The following TULP4 variants were observed in gnomAD, a reference collection of about 807,000 sequenced individuals.
The protein encoded by TULP4 is tubby-related protein 4.
A neutral mutation model predicts 129.0 loss-of-function variants in TULP4; 16 were observed. That is an observed-to-expected ratio of 0.12 (90% confidence interval 0.08 to 0.19). TULP4 has a LOEUF of 0.19. TULP4 is among the 10% of genes least tolerant of loss of function. TULP4 has a pLI of 1.00. For synonymous variants in TULP4, 998 were observed against 854.0 expected (o/e 1.17, Z -2.94); for missense variants, 1,842 against 2,059.1 (o/e 0.89, Z 2.04).
intron 1 of TULP4, among the ~76,000 whole-genome samples, chr6:158,348,220 G>A (rs971212827): frequency 6.2e-4 from 67 of 107,616 alleles, no homozygotes; most frequent in African/African-American, 2.2e-3. Flanking sequence ...GGTGTTTCTC[G>A]GAGAGGGGGA....
At position 158,501,736 on chromosome 6, in the gene TULP4, T is replaced by C. The variant is rs763954426; in HGVS notation, c.2073T>C (p.Ile691=). ...NSPPCTVNIP[I]APIHSSAQAM... ...CACCTTGTACCGTGAACATCCCTAT[T>C]GCACCGATCCACAGCTCGGCTCAGG... Residue 691 remains isoleucine, a synonymous_variant, in exon 13 of 14, where the codon ATT becomes ATC. Transcript: ENST00000367097. The C allele has an allele frequency of 5.6e-6, 9 of 1,614,018 alleles. No individual in the cohort carries two copies.
At chr6:158,411,715 C>T (rs1379846295) in intron 1 of TULP4, among the ~76,000 whole-genome samples, 1 of 152,162 alleles carries the variant, frequency 6.6e-6, no homozygotes, top group Non-Finnish European at 1.5e-5. Context: ...GGGGTTCCTC[C>T]TAGCCCTCTG....
At chr6:158,251,180 A>G (rs948777385) in intron 1 of TULP4, among the ~76,000 whole-genome samples, 1 of 152,342 alleles carries the variant, frequency 6.6e-6, no homozygotes, top group Admixed American at 6.5e-5. Flanking sequence ...CTGTTACCAC[A>G]TAATATTATT....
chr6:158,453,560 G>A (rs1358427931), intron 5 of TULP4, among the ~76,000 whole-genome samples: 3 of 150,348 alleles, frequency 2.0e-5, no homozygotes, highest in Non-Finnish European at 4.4e-5. Context: ...GGAGGCCGAG[G>A]CGGGCAGATC....
At chr6:158,402,195 C>CCAT (rs2114981747) in intron 1 of TULP4, among the ~76,000 whole-genome samples, 1 of 152,290 alleles carries the variant, frequency 6.6e-6, no homozygotes, top group South Asian at 2.1e-4. Flanking sequence ...CCTTTACTCA[C>CCAT]CATAGGGAGC....
chr6:158,274,548 G>A (rs919754602), intron 1 of TULP4, among the ~76,000 whole-genome samples: 2 of 152,020 alleles, frequency 1.3e-5, no homozygotes, highest in Non-Finnish European at 2.9e-5. Flanking sequence ...AGGCCAAGGC[G>A]GGCGGATCAT....
At chr6:158,272,272 C>T (rs925268728) in intron 1 of TULP4, among the ~76,000 whole-genome samples, 2 of 152,192 alleles carry the variant, frequency 1.3e-5, no homozygotes. Context: ...TTTTTATCAT[C>T]AGATTCTTTT....
chr6:158,397,557 T>TTTTG (rs746418819), intron 1 of TULP4, among the ~76,000 whole-genome samples: 51 of 152,038 alleles, frequency 3.4e-4, no homozygotes, highest in African/African-American at 9.4e-4. Context: ...TTGTTAGGTG[T>TTTTG]TTTGTTTGTT....
chr6:158,372,865 G>GA (rs1389305986), intron 1 of TULP4, among the ~76,000 whole-genome samples: 1 of 152,088 alleles, frequency 6.6e-6, no homozygotes, highest in East Asian at 1.9e-4. Context: ...TTCATATTCT[G>GA]AAAAAATAGC....
chr6:158,391,079 AAATAAT>A (rs1366126897), intron 1 of TULP4, among the ~76,000 whole-genome samples: 3 of 152,186 alleles, frequency 2.0e-5, no homozygotes, highest in African/African-American at 7.2e-5. Flanking sequence ...CAACTCTAAA[AAATAAT>A]AATAATAAGA....
At position 158,507,915 on chromosome 6, in the gene TULP4, C is replaced by T. The variant is rs557317714; in HGVS notation, c.*1221C>T. The T allele has an allele frequency of 6.6e-6, 1 of 152,308 alleles. No homozygotes were observed. Among genetic ancestry groups the T allele is most frequent in the African/African-American group, 2.4e-5 (1 of 41,570 alleles). The allele number at this position is 152,308 out of a possible 1,614,324, so 9.4% of individuals were successfully genotyped here. ...ATGGTCAAATCTTTGACAAAATTTT[C>T]ATGATCTTCTCTAACAAAAAAAGTT... is the stretch of plus-strand genomic sequence containing the variant. On this transcript the variant is annotated 3_prime_UTR_variant, in exon 14 of 14. Coordinates refer to ENST00000367097, the MANE Select transcript of TULP4 (RefSeq NM_020245.5).
Position 158,367,764 on chromosome 6 carries a change from G to A in TULP4, c.253-45301G>A, listed in dbSNP as rs566628885. Among the ~76,000 whole-genome samples the A allele has an allele frequency of 9.9e-5, 15 of 152,108 alleles. No homozygotes were observed. In the East Asian group the frequency reaches 1.4e-3, roughly 14 times the overall value. ...AAGTAGAAGAAAGAATTGTAAGGCC[G>A]GTGCGGTGGCTCACACCTACAATCC... On this transcript the variant is annotated intron_variant, in intron 1 of 13. Coordinates refer to ENST00000367097, the MANE Select transcript of TULP4 (RefSeq NM_020245.5).
chr6:158,237,438 T>G, intron 1 of TULP4: 1 of 1,576,250 alleles, frequency 6.3e-7, no homozygotes, highest in Non-Finnish European at 8.7e-7. Context: ...TGATGTTACT[T>G]GTAGAGGCAG....
chr6:158,382,222 G>A (rs945694095), intron 1 of TULP4, among the ~76,000 whole-genome samples: 2 of 152,112 alleles, frequency 1.3e-5, no homozygotes, highest in African/African-American at 4.8e-5. Context: ...ACTGCTCTGC[G>A]ATTGGGAAAA....
At chr6:158,235,389 T>C (rs1168057073) in intron 1 of TULP4, among the ~76,000 whole-genome samples, 1 of 152,178 alleles carries the variant, frequency 6.6e-6, no homozygotes, top group Non-Finnish European at 1.5e-5. Flanking sequence ...ATTTGACTAC[T>C]CTAGGTACCT....
intron 3 of TULP4, among the ~76,000 whole-genome samples, chr6:158,437,581 TA>T (rs992650554): frequency 1.3e-5 from 2 of 151,888 alleles, no homozygotes; most frequent in African/African-American, 4.8e-5. Flanking sequence ...AAATAATATT[TA>T]AAAAAATAAT....
intron 1 of TULP4, chr6:158,237,614 T>C (rs1012272816): frequency 7.0e-7 from 1 of 1,436,860 alleles, no homozygotes; most frequent in Non-Finnish European, 9.8e-7. Context: ...CATTCTTGCA[T>C]TGGCAGCCAT....
chr6:158,344,909 A>G (rs1001255737), intron 1 of TULP4, among the ~76,000 whole-genome samples: 1 of 152,250 alleles, frequency 6.6e-6, no homozygotes, highest in Non-Finnish European at 1.5e-5. Flanking sequence ...GCAAAGGAAA[A>G]GTTTTTGAAG....
intron 1 of TULP4, among the ~76,000 whole-genome samples, chr6:158,268,544 C>T (rs1778492330): frequency 6.6e-6 from 1 of 152,150 alleles, no homozygotes; most frequent in South Asian, 2.1e-4. Context: ...AGCAAGGCAC[C>T]AGTGGACTTG....
Sources: gnomAD v4.1 joint callset for allele counts (sites outside exome capture counted in the v4.1 genomes callset) on GRCh38, gnomAD v4.1.1 for gene constraint, MANE v1.5 for transcripts, NCBI Gene and HGNC (gene_info 2026-07-23, HGNC 2026-07-21) for gene names.